PXDNL: variants seen among roughly 807,000 people sequenced by gnomAD.
PXDNL encodes probable oxidoreductase PXDNL.
A neutral mutation model predicts 150.8 loss-of-function variants in PXDNL; 145 were observed. The ratio of observed to expected loss-of-function variants is 0.96; its 90% CI spans 0.84 to 1.10. The LOEUF (loss-of-function observed/expected upper bound fraction) is 1.10. PXDNL is among the 50% of genes least tolerant of loss of function. The pLI is 0.00. For synonymous variants in PXDNL, 757 were observed against 725.7 expected (o/e 1.04, Z -0.69); for missense variants, 2,087 against 1,873.9 (o/e 1.11, Z -2.10).
chr8:51,581,105 G>A lies in PXDNL; in HGVS notation c.308+11522C>T, dbSNP rs111962130. ...GAAATCAAAGAAAAATCAGGAAATA[G>A]GAAGGAGTGAGAAAAACGTCTGGAG... On this transcript the variant is annotated intron_variant, in intron 3 of 22. Transcript: ENST00000356297. Among the ~76,000 whole-genome samples, 313 of 152,210 alleles carry A rather than the reference G, an allele frequency of 2.1e-3. 1 individual carries two copies. Among genetic ancestry groups the A allele is most frequent in the African/African-American group, 7.3e-3 (302 of 41,550 alleles).
intron 4 of PXDNL, among the ~76,000 whole-genome samples, chr8:51,541,549 T>C (rs980436188): frequency 2.0e-5 from 3 of 152,172 alleles, no homozygotes; most frequent in African/African-American, 7.2e-5. Flanking sequence ...TAGCCACAAG[T>C]AGTTTCCTCC....
At chr8:51,342,862 G>A (rs1023362508) in intron 20 of PXDNL, among the ~76,000 whole-genome samples, 3 of 146,976 alleles carry the variant, frequency 2.0e-5, no homozygotes, top group Admixed American at 2.0e-4. Context: ...TGCACAGCTG[G>A]GATGCTGATT....
chr8:51,434,188 G>T (rs566913332), intron 12 of PXDNL, among the ~76,000 whole-genome samples: 3 of 152,144 alleles, frequency 2.0e-5, no homozygotes, highest in Admixed American at 2.0e-4. Context: ...TATTTTTGTC[G>T]AAACACTTTG....
chr8:51,650,628 G>A (rs1016146067), intron 2 of PXDNL, among the ~76,000 whole-genome samples: 8 of 152,292 alleles, frequency 5.3e-5, no homozygotes, highest in African/African-American at 1.7e-4. Flanking sequence ...ATCAGATCAG[G>A]TCAATAGGCA....
rs1491242789 is a variant in PXDNL, at chr8:51,744,950, AAG to A, written c.164+64229_164+64230del. 8.9e-4 allele frequency among the ~76,000 whole-genome samples: 6 copies of A among 6,720 alleles called. No homozygotes were observed. The East Asian group carries it at 0.38, about 420-fold the overall frequency. The allele number at this position is 6,720 out of a possible 152,430, so 4.4% of individuals were successfully genotyped here. A position where few individuals can be genotyped will look rare whatever the true frequency, so the allele number is the denominator to read the frequency against. On this transcript the variant is annotated intron_variant, in intron 1 of 22. Transcript: ENST00000356297. ...AGAAAAAGAAAGAAAGAAAGAAAGA[AAG>A]AAAGAAAGAAAGAAAGAAAGAAAGA...
rs767777610 is a variant in PXDNL at position 51,607,894 on chromosome 8, AAGGT to A, written c.237-15200_237-15197del. 6.2e-3 allele frequency among the ~76,000 whole-genome samples: 568 copies of A among 91,364 alleles called. 9 individuals are homozygous for A. Among genetic ancestry groups the A allele is most frequent in the Middle Eastern group, 0.01 (2 of 200 alleles). The allele number at this position is 91,364 out of a possible 152,430, so 59.9% of individuals were successfully genotyped here. ...GAAGGAAGGAAGGAAGGAAGGAAGG[AAGGT>A]GGGGAGGGAGGGAGGGAAGGAAGGA... On this transcript the variant is annotated intron_variant, in intron 2 of 22. Coordinates refer to ENST00000356297, the MANE Select transcript of PXDNL (RefSeq NM_144651.5).
chr8:51,456,892 C>T (rs2129994448), intron 9 of PXDNL, among the ~76,000 whole-genome samples: 1 of 152,352 alleles, frequency 6.6e-6, no homozygotes, highest in East Asian at 1.9e-4. Flanking sequence ...TTCTCTCCCT[C>T]TCCTTACACA....
intron 3 of PXDNL, among the ~76,000 whole-genome samples, chr8:51,566,797 C>G (rs974898269): frequency 6.6e-6 from 1 of 150,530 alleles, no homozygotes; most frequent in Non-Finnish European, 1.5e-5. Flanking sequence ...GATTTCTGCT[C>G]TATTTTGTAA....
chr8:51,664,725 A>G (rs1044047721), intron 1 of PXDNL, among the ~76,000 whole-genome samples: 2 of 151,868 alleles, frequency 1.3e-5, no homozygotes, highest in African/African-American at 4.8e-5. Flanking sequence ...TTATATAGTG[A>G]CCTGGGACTT....
chr8:51,395,632 T>C (rs1016819066), intron 17 of PXDNL, among the ~76,000 whole-genome samples: 1 of 151,952 alleles, frequency 6.6e-6, no homozygotes, highest in African/African-American at 2.4e-5. Flanking sequence ...TCTAGAAAGA[T>C]TAAAAGATGA....
At chr8:51,461,541 C>A (rs555832409) in intron 8 of PXDNL, among the ~76,000 whole-genome samples, 1 of 152,224 alleles carries the variant, frequency 6.6e-6, no homozygotes, top group South Asian at 2.1e-4. Flanking sequence ...GGCACTACAC[C>A]AACTGCATAG....
chr8:51,727,614 C>G (rs768549824), intron 1 of PXDNL, among the ~76,000 whole-genome samples: 1 of 152,030 alleles, frequency 6.6e-6, no homozygotes, highest in African/African-American at 2.4e-5. Flanking sequence ...CAAACTGAAA[C>G]TTGACTTGGA....
chr8:51,536,108 C>T (rs748945884), intron 4 of PXDNL, among the ~76,000 whole-genome samples: 1 of 152,234 alleles, frequency 6.6e-6, no homozygotes, highest in Non-Finnish European at 1.5e-5. Context: ...CTCAGGGCTA[C>T]ACCCTCTCGG....
In PXDNL at chr8:51,737,295, G is replaced by A. The variant is rs572045671; in HGVS notation, c.164+71886C>T. Among the ~76,000 whole-genome samples the A allele has an allele frequency of 5.9e-5, 9 of 152,270 alleles. No individual in the cohort carries two copies. The South Asian group carries it at 8.3e-4, about 14-fold the overall frequency. On this transcript the variant is annotated intron_variant, in intron 1 of 22. Coordinates refer to ENST00000356297, the MANE Select transcript of PXDNL (RefSeq NM_144651.5). ...CAGTAGTTTCAGTAAGAATGACATC[G>A]GATTTTATTGCATTTTGTTTTGTTC...
At chr8:51,788,734 T>C (rs919203870) in intron 1 of PXDNL, among the ~76,000 whole-genome samples, 7 of 152,196 alleles carry the variant, frequency 4.6e-5, no homozygotes, top group Non-Finnish European at 8.8e-5. Flanking sequence ...CCACAGCTCG[T>C]GGTCCCAGTG....
At chr8:51,687,371 T>C (rs1815899055) in intron 1 of PXDNL, among the ~76,000 whole-genome samples, 1 of 152,234 alleles carries the variant, frequency 6.6e-6, no homozygotes, top group Admixed American at 6.5e-5. Context: ...AAAATGTTGA[T>C]GATACAATGT....
chr8:51,757,360 A>G (rs890570152), intron 1 of PXDNL, among the ~76,000 whole-genome samples: 1 of 152,226 alleles, frequency 6.6e-6, no homozygotes, highest in Non-Finnish European at 1.5e-5. Context: ...TCTGTAAGAC[A>G]GCAGGCTCCG....
chr8:51,697,657 G>A (rs1173733666), intron 1 of PXDNL, among the ~76,000 whole-genome samples: 2 of 152,132 alleles, frequency 1.3e-5, no homozygotes, highest in Non-Finnish European at 2.9e-5. Context: ...TAGAGACAGG[G>A]GTGATGCAGG....
At chr8:51,539,767 T>C (rs1812170456) in intron 4 of PXDNL, among the ~76,000 whole-genome samples, 2 of 152,222 alleles carry the variant, frequency 1.3e-5, no homozygotes, top group African/African-American at 4.8e-5. Context: ...ATGCTTCCTC[T>C]TTATCCATTT....
Sources: gnomAD v4.1 joint callset for allele counts (sites outside exome capture counted in the v4.1 genomes callset) on GRCh38, gnomAD v4.1.1 for gene constraint, MANE v1.5 for transcripts, NCBI Gene and HGNC (gene_info 2026-07-23, HGNC 2026-07-21) for gene names.